Variants in RAD54L observed in about 807,000 individuals in gnomAD.
The protein encoded by RAD54L is DNA repair and recombination protein RAD54-like.
In RAD54L, 74 loss-of-function variants were observed where a neutral mutation model predicts 91.6. That is an observed-to-expected ratio of 0.81 (90% confidence interval 0.67 to 0.98). The LOEUF (loss-of-function observed/expected upper bound fraction) is 0.98. Ranked by LOEUF, RAD54L falls within the 50% of genes least tolerant of loss-of-function variation. The pLI, the probability that RAD54L is intolerant of heterozygous loss-of-function variation, is 0.00. For synonymous variants in RAD54L, 304 were observed against 349.7 expected, an observed-to-expected ratio of 0.87 and a Z score of 1.46; for missense variants, 887 against 945.7, an observed-to-expected ratio of 0.94 and a Z score of 0.81.
At position 46,272,568 on chromosome 1, in the gene RAD54L, G is replaced by A. The variant is rs372200126; in HGVS notation, c.1244+28G>A. 335 of 1,609,152 alleles carry A rather than the reference G, an allele frequency of 2.1e-4. No homozygotes were observed. In the Middle Eastern group the frequency reaches 3.0e-3, roughly 14 times the overall value. On this transcript the variant is annotated intron_variant, in intron 11 of 17. Coordinates refer to ENST00000371975, the MANE Select transcript of RAD54L (RefSeq NM_003579.4). ...ACTGAACTCAACTGAAAGATGTGGA[G>A]TGGGTCAAAGCCTAGCTCCTGAAGC...
At chr1:46,264,835 G>T (rs573377206) in intron 8 of RAD54L, among the ~76,000 whole-genome samples, 1 of 152,290 alleles carries the variant, frequency 6.6e-6, no homozygotes, top group South Asian at 2.1e-4. Flanking sequence ...GCTTGCCTTG[G>T]GTATGGAAGG....
intron 3 of RAD54L, among the ~76,000 whole-genome samples, chr1:46,250,547 A>G (rs1409768800): frequency 6.6e-6 from 1 of 152,212 alleles, no homozygotes; most frequent in East Asian, 1.9e-4. Flanking sequence ...AGGGTTAAGT[A>G]ATTTGCTCAG....
chr1:46,258,170 G>A (rs1659994864), intron 3 of RAD54L, among the ~76,000 whole-genome samples: 1 of 152,118 alleles, frequency 6.6e-6, no homozygotes, highest in Non-Finnish European at 1.5e-5. Flanking sequence ...GAGCCACCAT[G>A]CCCGGCCTGG....
At position 46,260,960 on chromosome 1, in the gene RAD54L, G is replaced by T. The variant is rs772824006; in HGVS notation, c.711G>T (p.Arg237Ser). Residue 237 changes from arginine (R) to serine (S), a missense_variant, in exon 7 of 18, where the codon AGG (arginine) becomes AGT (serine). By Grantham distance (110) the Arg-to-Ser change is moderately radical (BLOSUM62 -1). Transcript: ENST00000371975. ...YNEVGKWLGG[R>S]IQPLAIDGGS... ...AGGTTGGGAAATGGCTCGGAGGGAG[G>T]ATCCAACCTCTGGCCATCGATGGAG... 1.2e-6 allele frequency: 2 copies of T among 1,614,150 alleles called. No individual in the cohort carries two copies. The highest frequency in any genetic ancestry group is 1.7e-6 in the Non-Finnish European group (2 of 1,180,034).
intron 5 of RAD54L, 145 bp downstream of exon 5, chr1:46,260,244 G>C (rs1177674012): frequency 2.3e-6 from 3 of 1,318,488 alleles, no homozygotes; most frequent in Admixed American, 1.8e-5. Context: ...GAGACTGCCT[G>C]GGGAAGAGCC....
In RAD54L at chr1:46,260,245, G is replaced by A. The variant is rs1026602646; in HGVS notation, c.407+146G>A. On this transcript the variant is annotated intron_variant, in intron 5 of 17. Transcript: ENST00000371975. Reference sequence around the variant, plus strand: ...GATGATTGGGGAAGGAGACTGCCTGGGGAAGAGCCTGTGGTCATGTCCAGT... The same window carrying A: ...GATGATTGGGGAAGGAGACTGCCTGAGGAAGAGCCTGTGGTCATGTCCAGT... 4.6e-6 allele frequency: 6 copies of A among 1,309,264 alleles called. No homozygotes were observed. In the African/African-American group the frequency reaches 7.3e-5, roughly 16 times the overall value. The allele number at this position is 1,309,264 out of a possible 1,614,324, so 81.1% of individuals were successfully genotyped here.
At chr1:46,277,707 TCTC>T (rs774817198) in intron 16 of RAD54L, 107 bp from the exon 17 acceptor site, 88 of 1,254,474 alleles carry the variant, frequency 7.0e-5, no homozygotes, top group Non-Finnish European at 9.8e-5. Context: ...TTTTTATTCA[TCTC>T]CTCTTCTCGG....
chr1:46,252,197 G>C (rs1659816175), intron 3 of RAD54L, among the ~76,000 whole-genome samples: 1 of 152,202 alleles, frequency 6.6e-6, no homozygotes, highest in Admixed American at 6.5e-5. Context: ...ACTGAAAAGA[G>C]AGTGTGGGGA....
At chr1:46,262,761 C>T (rs1173860006) in intron 8 of RAD54L, among the ~76,000 whole-genome samples, 1 of 152,084 alleles carries the variant, frequency 6.6e-6, no homozygotes, top group Non-Finnish European at 1.5e-5. Context: ...AAAGGAAAGA[C>T]ATTTTTTTGC....
rs1557708896 is a variant in RAD54L, at chr1:46,274,812, C to A, written c.1869+95C>A. ...TTAGTGCCTCTCTTTGGCCTTTCTGCCTCTAGCAGTAGCCAAGCTATGGGC... is the reference window on the plus strand; with the variant it reads ...TTAGTGCCTCTCTTTGGCCTTTCTGACTCTAGCAGTAGCCAAGCTATGGGC... On this transcript the variant is annotated intron_variant, in intron 16 of 17. Coordinates refer to ENST00000371975, the MANE Select transcript of RAD54L (RefSeq NM_003579.4). 2.7e-6 allele frequency: 4 copies of A among 1,475,290 alleles called. No homozygotes were observed. The East Asian group carries it at 9.1e-5, about 33-fold the overall frequency. 91.4% of individuals were successfully genotyped at this position (1,475,290 alleles called of 1,614,324 possible).
In RAD54L at chr1:46,248,182, T is replaced by C; in HGVS notation, c.-224T>C. The C allele has an allele frequency of 3.0e-6, 2 of 658,880 alleles. No homozygotes were observed. The highest frequency in any genetic ancestry group is 1.7e-5 in the South Asian group (1 of 59,056). 40.8% of individuals were successfully genotyped at this position (658,880 alleles called of 1,614,324 possible). ...CTTGGTCTCTTCCTCTTTGGCCTAA[T>C]CTCTCGTCTCGGCTTATTGGGGACG... On this transcript the variant is annotated 5_prime_UTR_variant, in exon 1 of 18. Transcript: ENST00000371975.
chr1:46,253,647 T>C (rs574654839), intron 3 of RAD54L, among the ~76,000 whole-genome samples: 11 of 147,894 alleles, frequency 7.4e-5, no homozygotes, highest in Non-Finnish European at 1.6e-4. Context: ...AAAATGAAAA[T>C]GGAAAAACTG....
rs970246354 is a variant in RAD54L, at chr1:46,261,096, G to A, written c.766+81G>A. 5.1e-6 allele frequency: 8 copies of A among 1,565,076 alleles called. No homozygotes were observed. The South Asian group carries it at 9.2e-5, about 18-fold the overall frequency. On this transcript the variant is annotated intron_variant, in intron 7 of 17. Transcript: ENST00000371975. ...ACGTGTATGCTCATTTATGGCCAGGGTGGAGGGCAATGCAGGGGTAGAAGA... is the reference window on the plus strand; with the variant it reads ...ACGTGTATGCTCATTTATGGCCAGGATGGAGGGCAATGCAGGGGTAGAAGA...
Position 46,248,255 on chromosome 1 carries a change from C to T in RAD54L, c.-151C>T. The T allele has an allele frequency of 3.0e-6, 3 of 1,003,312 alleles. No homozygotes were observed. Among genetic ancestry groups the T allele is most frequent in the South Asian group, 1.4e-5 (1 of 72,644 alleles). The allele number at this position is 1,003,312 out of a possible 1,614,324, so 62.2% of individuals were successfully genotyped here. On this transcript the variant is annotated 5_prime_UTR_variant, in exon 1 of 18. Transcript: ENST00000371975. ...AAACACCAGTTCCTGGATGGATTCC[C>T]GCCATCCATGCCCCCTCTTTAATTA...
chr1:46,256,674 C>T (rs534513328), intron 3 of RAD54L, among the ~76,000 whole-genome samples: 1 of 151,306 alleles, frequency 6.6e-6, no homozygotes, highest in Non-Finnish European at 1.5e-5. Flanking sequence ...TATTCAGATG[C>T]AAAGAAATTT....
intron 3 of RAD54L, among the ~76,000 whole-genome samples, chr1:46,250,974 A>C (rs146133773): frequency 0.029 from 4,397 of 151,000 alleles, 211 homozygotes; most frequent in African/African-American, 0.096. Context: ...GTCTCAAAAA[A>C]AAAAAACAAA....
At chr1:46,261,500 G>A in intron 8 of RAD54L, 115 bp downstream of exon 8, 1 of 1,337,654 alleles carries the variant, frequency 7.5e-7, no homozygotes, top group Non-Finnish European at 1.1e-6. Context: ...ACAGGATGCT[G>A]CCTTGGAGAC....
rs1325551946 is a variant in RAD54L, at chr1:46,250,051, C to T, written c.142C>T (p.Leu48=). Residue 48 remains leucine (L), a synonymous_variant, in exon 3 of 18, where the codon CTG becomes TTG. Coordinates refer to ENST00000371975, the MANE Select transcript of RAD54L (RefSeq NM_003579.4). ...SSETQIQECF[L]SPFRKPLSQL... is the part of the protein sequence containing the mutation. ...TGAGACCCAGATCCAGGAGTGTTTC[C>T]TGTCTCCTTTTCGGAAACCTTTGAG... is the stretch of plus-strand genomic sequence containing the variant. 1 of 1,614,088 alleles carries T rather than the reference C, an allele frequency of 6.2e-7. No individual in the cohort carries two copies. Among genetic ancestry groups the T allele is most frequent in the South Asian group, 1.1e-5 (1 of 91,084 alleles).
At chr1:46,256,013 T>C (rs979751238) in intron 3 of RAD54L, among the ~76,000 whole-genome samples, 9 of 152,206 alleles carry the variant, frequency 5.9e-5, no homozygotes, top group African/African-American at 2.2e-4. Context: ...ATTTCTGTTT[T>C]AGAATTGATG....
Sources: gnomAD v4.1 joint callset for allele counts (sites outside exome capture counted in the v4.1 genomes callset) on GRCh38, gnomAD v4.1.1 for gene constraint, MANE v1.5 for transcripts, NCBI Gene and HGNC (gene_info 2026-07-23, HGNC 2026-07-21) for gene names.